Variants in ACOXL observed in about 807,000 individuals in gnomAD.
The protein encoded by ACOXL is acyl-coenzyme A oxidase-like protein.
In ACOXL, 70 loss-of-function variants were observed where a neutral mutation model predicts 71.9. That is an observed-to-expected ratio of 0.97 (90% CI 0.80 to 1.19). The LOEUF is 1.19. ACOXL is among the 50% of genes most tolerant of loss of function. The probability of loss-of-function intolerance (pLI) is 0.00; values close to 1 mark genes in which losing one functional copy is unlikely to be tolerated. For synonymous variants in ACOXL, 253 were observed against 281.6 expected (o/e 0.90, Z 1.02); for missense variants, 703 against 736.3 (o/e 0.95, Z 0.52).
intron 10 of ACOXL, among the ~76,000 whole-genome samples, chr2:110,882,442 T>C (rs1696779083): frequency 6.6e-6 from 1 of 152,190 alleles, no homozygotes; most frequent in Admixed American, 6.5e-5. Flanking sequence ...TTAATAGTGT[T>C]TTTCAAAGGG....
chr2:110,833,574 A>T (rs1036581034), intron 9 of ACOXL, among the ~76,000 whole-genome samples: 1 of 152,172 alleles, frequency 6.6e-6, no homozygotes, highest in South Asian at 2.1e-4. Context: ...GAGATACTGG[A>T]TAAAGGGTAC....
chr2:110,846,774 G>GGT (rs1460050437), intron 10 of ACOXL, among the ~76,000 whole-genome samples: 3 of 148,438 alleles, frequency 2.0e-5, no homozygotes, highest in Admixed American at 6.8e-5. Context: ...GGTATAGAGG[G>GGT]GTGTGTGTGT....
intron 9 of ACOXL, among the ~76,000 whole-genome samples, chr2:110,838,581 G>A (rs571901598): frequency 1.5e-4 from 23 of 152,262 alleles, no homozygotes; most frequent in African/African-American, 4.8e-4. Context: ...TACCTCCCCT[G>A]CTTTCTCTGT....
At chr2:110,882,610 T>G (rs1466704461) in intron 10 of ACOXL, among the ~76,000 whole-genome samples, 10 of 152,214 alleles carry the variant, frequency 6.6e-5, no homozygotes. Context: ...GTTTTAGGTT[T>G]TACATTTAAG....
intron 16 of ACOXL, among the ~76,000 whole-genome samples, chr2:111,088,591 T>G (rs1423934694): frequency 2.0e-5 from 3 of 152,020 alleles, no homozygotes; most frequent in Non-Finnish European, 4.4e-5. Flanking sequence ...TGAGAACACA[T>G]GGACACACAA....
At chr2:110,736,619 CTT>C (rs57507260) in intron 1 of ACOXL, among the ~76,000 whole-genome samples, 7,544 of 113,314 alleles carry the variant, frequency 0.067, 232 homozygotes, top group African/African-American at 0.15. Flanking sequence ...TTTGATTACT[CTT>C]TTTTTTTTTT....
intron 16 of ACOXL, among the ~76,000 whole-genome samples, chr2:111,080,840 A>G (rs2067872285): frequency 6.6e-6 from 1 of 152,250 alleles, no homozygotes; most frequent in Non-Finnish European, 1.5e-5. Flanking sequence ...AGCTGGCTTC[A>G]TCCCTGGGAT....
chr2:111,089,214 C>T (rs922461278), intron 16 of ACOXL, among the ~76,000 whole-genome samples: 2 of 152,254 alleles, frequency 1.3e-5, no homozygotes, highest in East Asian at 1.9e-4. Context: ...AAAGGAGAAT[C>T]GCTTGAACCA....
chr2:110,968,258 TTAC>T (rs2062019436), intron 12 of ACOXL: 1 of 1,144,828 alleles, frequency 8.7e-7, no homozygotes, highest in Admixed American at 1.7e-5. Context: ...CCAAGTGCCT[TTAC>T]CTGCTATTTG....
intron 1 of ACOXL, among the ~76,000 whole-genome samples, chr2:110,749,360 G>A (rs1245520502): frequency 6.6e-6 from 1 of 152,132 alleles, no homozygotes; most frequent in Non-Finnish European, 1.5e-5. Context: ...GCATAGTACA[G>A]AGATTTGCCA....
intron 16 of ACOXL, among the ~76,000 whole-genome samples, chr2:111,066,545 A>T (rs1479036796): frequency 6.6e-6 from 1 of 152,206 alleles, no homozygotes; most frequent in Non-Finnish European, 1.5e-5. Context: ...GAAACTGGGT[A>T]AAAGATACCC....
intron 11 of ACOXL, among the ~76,000 whole-genome samples, chr2:110,915,350 A>ATATATATATATATATATATATATATG (rs1491355100): frequency 8.8e-5 from 10 of 113,630 alleles, no homozygotes; most frequent in South Asian, 2.8e-4. Context: ...ATATATATAT[A>ATATATATATATATATATATATATATG]TGTGTGTGTG....
At chr2:111,036,820 C>T (rs1306181818) in intron 15 of ACOXL, 3 of 152,098 alleles carry the variant, frequency 2.0e-5, no homozygotes, top group African/African-American at 4.8e-5. Context: ...GAGAGAGCGA[C>T]GAAGCTTGTG....
chr2:110,747,449 G>A (rs924453564), intron 1 of ACOXL, among the ~76,000 whole-genome samples: 2 of 152,196 alleles, frequency 1.3e-5, no homozygotes, highest in Non-Finnish European at 2.9e-5. Flanking sequence ...CCTCTGGTGT[G>A]TTTAACAGCT....
intron 12 of ACOXL, among the ~76,000 whole-genome samples, chr2:110,958,049 C>CAAAAA (rs35899146): frequency 2.1e-5 from 2 of 96,142 alleles, no homozygotes; most frequent in African/African-American, 8.9e-5. Context: ...GACTCCGTCT[C>CAAAAA]AAAAAAAAAA....
intron 10 of ACOXL, chr2:110,886,852 CTAATT>C (rs1697358339): frequency 6.4e-7 from 1 of 1,550,780 alleles, no homozygotes; most frequent in Non-Finnish European, 8.7e-7. Context: ...GTGGACCAGG[CTAATT>C]TCCTGAAAAC....
intron 10 of ACOXL, among the ~76,000 whole-genome samples, chr2:110,858,104 A>G (rs567498160): frequency 1.3e-3 from 202 of 152,302 alleles, no homozygotes; most frequent in Non-Finnish European, 2.4e-3. Flanking sequence ...AGTACCTGCT[A>G]TCTGCCTAGT....
intron 10 of ACOXL, among the ~76,000 whole-genome samples, chr2:110,841,802 G>C (rs745417987): frequency 2.0e-5 from 3 of 152,036 alleles, no homozygotes; most frequent in Non-Finnish European, 4.4e-5. Flanking sequence ...TCCATGCCAG[G>C]CCTCTCTCTC....
At chr2:110,857,161 A>T (rs1559351996) in intron 10 of ACOXL, among the ~76,000 whole-genome samples, 1 of 152,092 alleles carries the variant, frequency 6.6e-6, no homozygotes, top group Admixed American at 6.5e-5. Context: ...CTTCTCTGCA[A>T]CTCAACATGT....
Sources: gnomAD v4.1 joint callset for allele counts (sites outside exome capture counted in the v4.1 genomes callset) on GRCh38, gnomAD v4.1.1 for gene constraint, MANE v1.5 for transcripts, NCBI Gene and HGNC (gene_info 2026-07-23, HGNC 2026-07-21) for gene names.